Variants in RHOBTB3 observed in about 807,000 individuals in gnomAD.
The protein encoded by RHOBTB3 is rho-related BTB domain-containing protein 3.
A neutral mutation model predicts 67.2 loss-of-function variants in RHOBTB3; 47 were observed. The ratio of observed to expected loss-of-function variants is 0.70; its 90% CI spans 0.55 to 0.89. The LOEUF is 0.89. Ranked by LOEUF, RHOBTB3 falls within the 40% of genes least tolerant of loss-of-function variation. RHOBTB3 has a pLI of 0.00. For synonymous variants in RHOBTB3, 273 were observed against 274.2 expected, an observed-to-expected ratio of 1.00 and a Z score of 0.04; for missense variants, 631 against 750.0, an observed-to-expected ratio of 0.84 and a Z score of 1.85.
upstream of RHOBTB3, among the ~76,000 whole-genome samples, chr5:95,727,984 G>C (rs1340537536): frequency 6.6e-6 from 1 of 152,188 alleles, no homozygotes; most frequent in African/African-American, 2.4e-5. Context: ...TGGCTTCAAG[G>C]TTGACCTGAC....
At chr5:95,726,338 T>G (rs185811408), upstream of RHOBTB3, among the ~76,000 whole-genome samples, 2 of 152,334 alleles carry the variant, frequency 1.3e-5, no homozygotes, top group East Asian at 3.9e-4. Context: ...AGAAGAGACT[T>G]TGTAGCATTT....
intron 4 of RHOBTB3, chr5:95,751,255 C>G (rs1191890269): frequency 6.6e-6 from 1 of 152,106 alleles, no homozygotes; most frequent in African/African-American, 2.4e-5. Flanking sequence ...GCTTTAATTT[C>G]ACTAATATTA....
intron 3 of RHOBTB3, among the ~76,000 whole-genome samples, chr5:95,742,014 C>G (rs928019189): frequency 3.3e-5 from 5 of 152,188 alleles, no homozygotes; most frequent in African/African-American, 1.2e-4. Context: ...CAAGCTACCT[C>G]TAATCAGTTT....
intron 1 of RHOBTB3, among the ~76,000 whole-genome samples, chr5:95,718,530 C>T (rs533594386): frequency 6.6e-6 from 1 of 152,246 alleles, no homozygotes; most frequent in East Asian, 1.9e-4. Context: ...AAGAGATATC[C>T]AAGTTAGAGA....
intron 10 of RHOBTB3, among the ~76,000 whole-genome samples, chr5:95,788,047 A>G (rs1292201904): frequency 2.0e-5 from 3 of 152,260 alleles, no homozygotes; most frequent in East Asian, 1.9e-4. Context: ...AATAAAAAAA[A>G]GAGTTCTATA....
chr5:95,780,509 A>G (rs1044793127), intron 9 of RHOBTB3, 84 bp downstream of exon 9: 13 of 1,152,402 alleles, frequency 1.1e-5, no homozygotes, highest in African/African-American at 3.1e-5. Flanking sequence ...TGTGGAATCT[A>G]TTTTCATTTA....
intron 9 of RHOBTB3, chr5:95,782,501 T>G (rs982154254): frequency 1.5e-4 from 23 of 152,132 alleles, no homozygotes; most frequent in African/African-American, 5.6e-4. Flanking sequence ...TGCCAATGAA[T>G]CATATACTTA....
At chr5:95,786,081 AT>A (rs1438472495) in intron 10 of RHOBTB3, among the ~76,000 whole-genome samples, 2 of 152,206 alleles carry the variant, frequency 1.3e-5, no homozygotes, top group East Asian at 3.8e-4. Context: ...ATTTTCTAAG[AT>A]TAAGCCTAAA....
chr5:95,729,210 G>C (rs529341047), upstream of RHOBTB3, among the ~76,000 whole-genome samples: 392 of 152,228 alleles, frequency 2.6e-3, 2 homozygotes, highest in African/African-American at 9.2e-3. Context: ...TTATGGACTT[G>C]CCCTGAATTC....
chr5:95,787,972 C>T (rs1746271268), intron 10 of RHOBTB3, among the ~76,000 whole-genome samples: 3 of 152,212 alleles, frequency 2.0e-5, no homozygotes, highest in Admixed American at 6.5e-5. Flanking sequence ...TGACATTTAA[C>T]TGTACACTTA....
intron 10 of RHOBTB3, among the ~76,000 whole-genome samples, chr5:95,785,428 A>G (rs1338859835): frequency 1.4e-5 from 2 of 144,130 alleles, no homozygotes; most frequent in South Asian, 2.3e-4. Context: ...AGTCTCTACT[A>G]AAAATACAAA....
At chr5:95,738,670 A>G (rs984470657) in intron 3 of RHOBTB3, among the ~76,000 whole-genome samples, 2 of 152,084 alleles carry the variant, frequency 1.3e-5, no homozygotes, top group Admixed American at 1.3e-4. Flanking sequence ...TAGCACCTTG[A>G]TATTGGACAT....
At chr5:95,723,650 A>G (rs1424090515) in intron 1 of RHOBTB3, among the ~76,000 whole-genome samples, 3 of 152,138 alleles carry the variant, frequency 2.0e-5, no homozygotes, top group Non-Finnish European at 4.4e-5. Flanking sequence ...ATACAAATAC[A>G]TTTTTCACAG....
At chr5:95,725,528 C>T (rs1159850683) in intron 1 of RHOBTB3, among the ~76,000 whole-genome samples, 4 of 152,244 alleles carry the variant, frequency 2.6e-5, no homozygotes, top group Non-Finnish European at 4.4e-5. Flanking sequence ...AGAATGTTCT[C>T]ATTTTTGACC....
chr5:95,732,099 CTGCTCCGCGCTG>C lies in RHOBTB3; in HGVS notation c.228+16_228+27del. 6.2e-7 allele frequency: 1 copy of C among 1,608,064 alleles called. No homozygotes were observed. The highest frequency in any genetic ancestry group is 8.5e-7 in the Non-Finnish European group (1 of 1,174,484). ...GTCCCGTCTGGGTAAGGAAGAGCAG[CTGCTCCGCGCTG>C]AGGCTGAAGAAGCTTTTCTTTCCTT... On this transcript the variant is annotated intron_variant, in intron 2 of 11. Transcript: ENST00000379982.
intron 9 of RHOBTB3, chr5:95,781,325 AAC>A (rs1358988544): frequency 2.2e-4 from 33 of 152,228 alleles, no homozygotes; most frequent in African/African-American, 7.2e-4. Context: ...ATAAAAAGCA[AAC>A]ACACATTTCA....
intron 9 of RHOBTB3, 193 bp from the exon 10 acceptor site, chr5:95,783,604 G>GA (rs1330049560): frequency 5.7e-5 from 14 of 244,268 alleles, no homozygotes; most frequent in East Asian, 8.3e-5. Context: ...AGAAAGGAAA[G>GA]AAAAAAAAGA....
intron 9 of RHOBTB3, among the ~76,000 whole-genome samples, 199 bp downstream of exon 9, chr5:95,780,624 C>T (rs1386566889): frequency 1.3e-5 from 2 of 152,158 alleles, no homozygotes; most frequent in African/African-American, 2.4e-5. Context: ...GATTGGGTGC[C>T]TTTTATGGGT....
At chr5:95,718,164 T>G (rs1410530902) in intron 1 of RHOBTB3, among the ~76,000 whole-genome samples, 1 of 152,206 alleles carries the variant, frequency 6.6e-6, no homozygotes, top group Non-Finnish European at 1.5e-5. Context: ...TCCCTCTTTT[T>G]TTTTCTTTTA....
Sources: gnomAD v4.1 joint callset for allele counts (sites outside exome capture counted in the v4.1 genomes callset) on GRCh38, gnomAD v4.1.1 for gene constraint, MANE v1.5 for transcripts, NCBI Gene and HGNC (gene_info 2026-07-23, HGNC 2026-07-21) for gene names.